Variants in FGF1 observed in about 807,000 individuals in gnomAD.
FGF1 encodes the protein beta-endothelial cell growth factor.
FGF1 carries 9 observed loss-of-function variants against 13.4 expected under a neutral mutation model. The ratio of observed to expected loss-of-function variants is 0.67; its 90% confidence interval spans 0.40 to 1.17. The LOEUF (loss-of-function observed/expected upper bound fraction) is 1.17, where lower values mean the gene tolerates loss of function less well. Ranked by LOEUF, FGF1 falls within the 50% of genes most tolerant of loss-of-function variation. The pLI is 0.01. For missense variants in FGF1, 156 were observed against 192.7 expected (o/e 0.81, Z 1.13); for synonymous variants, 93 against 79.0 (o/e 1.18, Z -0.94).
chr5:142,661,769 C>G (rs1769263915), intron 1 of FGF1, among the ~76,000 whole-genome samples: 1 of 152,054 alleles, frequency 6.6e-6, no homozygotes, highest in Admixed American at 6.6e-5. Flanking sequence ...TTTGGGAGGC[C>G]AAGGCGGGCA....
chr5:142,672,617 G>A (rs1407296491), intron 1 of FGF1, among the ~76,000 whole-genome samples: 1 of 148,904 alleles, frequency 6.7e-6, no homozygotes, highest in Non-Finnish European at 1.5e-5. Context: ...CCATTCTCCT[G>A]CCTCAACCTC....
chr5:142,688,147 A>G (rs1391157587), upstream of FGF1, among the ~76,000 whole-genome samples: 1 of 152,212 alleles, frequency 6.6e-6, no homozygotes, highest in African/African-American at 2.4e-5. Flanking sequence ...CTAGCTACTG[A>G]CATATGCTAA....
At chr5:142,641,075 C>A (rs1011189756) in intron 1 of FGF1, among the ~76,000 whole-genome samples, 4 of 151,920 alleles carry the variant, frequency 2.6e-5, no homozygotes, top group Admixed American at 6.6e-5. Flanking sequence ...ATAATTTGGG[C>A]GTATAGAGAT....
At chr5:142,634,476 C>T (rs1763926005) in intron 1 of FGF1, among the ~76,000 whole-genome samples, 1 of 152,232 alleles carries the variant, frequency 6.6e-6, no homozygotes, top group African/African-American at 2.4e-5. Context: ...AAATAAGAGA[C>T]AGCCTAGATT....
intron 1 of FGF1, among the ~76,000 whole-genome samples, chr5:142,658,342 C>T (rs978820448): frequency 6.6e-6 from 1 of 152,248 alleles, no homozygotes; most frequent in Non-Finnish European, 1.5e-5. Flanking sequence ...TCATTCACAA[C>T]ATGGCCATCC....
At chr5:142,684,634 T>C (rs768134240) in intron 1 of FGF1, among the ~76,000 whole-genome samples, 9 of 152,164 alleles carry the variant, frequency 5.9e-5, no homozygotes, top group Non-Finnish European at 8.8e-5. Context: ...GAAAAGGGAA[T>C]TTGCGACTGT....
intron 1 of FGF1, chr5:142,621,468 C>T (rs771013546): frequency 3.3e-5 from 5 of 151,274 alleles, no homozygotes; most frequent in South Asian, 2.1e-4. Context: ...CTGGATATTT[C>T]GGATATTTCC....
intron 1 of FGF1, among the ~76,000 whole-genome samples, chr5:142,674,603 G>A (rs1293284132): frequency 4.6e-5 from 7 of 152,192 alleles, no homozygotes; most frequent in Non-Finnish European, 8.8e-5. Context: ...CCAGCAGGAT[G>A]TGGGACCGGC....
In FGF1 at chr5:142,643,966, C is replaced by G. The variant is rs778010046; in HGVS notation, c.-34-29805G>C. The G allele has an allele frequency of 1.4e-4, 22 of 152,250 alleles. 1 individual carries two copies. Among genetic ancestry groups the G allele is most frequent in the Non-Finnish European group, 2.9e-4 (20 of 68,048 alleles). The allele number at this position is 152,250 out of a possible 1,614,324, so 9.4% of individuals were successfully genotyped here. A position where few individuals can be genotyped will look rare whatever the true frequency, so the allele number is the denominator to read the frequency against. ...TTATCATTATCCTATTGGCTTCCCC[C>G]AAACATCTTTTCCAATTCTCATGCA... On this transcript the variant is annotated intron_variant, in intron 1 of 3. Transcript: ENST00000337706.
chr5:142,595,630 G>T, intron 3 of FGF1, 146 bp from the exon 4 acceptor site: 1 of 661,004 alleles, frequency 1.5e-6, no homozygotes, highest in East Asian at 2.7e-5. Context: ...GGTCATGGTG[G>T]AACTTATTTC....
At chr5:142,690,888 G>T (rs116942880), upstream of FGF1, among the ~76,000 whole-genome samples, 110 of 152,256 alleles carry the variant, frequency 7.2e-4, 2 homozygotes, top group East Asian at 0.01. Context: ...AACGGGCCAG[G>T]CTTGGTCCTA....
At chr5:142,697,393 A>G (rs1459366737) in intron 2 of FGF1, among the ~76,000 whole-genome samples, 1 of 152,180 alleles carries the variant, frequency 6.6e-6, no homozygotes, top group African/African-American at 2.4e-5. Flanking sequence ...ACTAAGAACC[A>G]GACCTACCCA....
intron 2 of FGF1, among the ~76,000 whole-genome samples, chr5:142,693,810 A>C (rs572893593): frequency 6.6e-6 from 1 of 152,160 alleles, no homozygotes; most frequent in Non-Finnish European, 1.5e-5. Flanking sequence ...CTTTAGTGTG[A>C]TGTCCTCAAG....
chr5:142,682,451 A>G (rs188730513), intron 1 of FGF1, among the ~76,000 whole-genome samples: 13 of 152,274 alleles, frequency 8.5e-5, no homozygotes, highest in Non-Finnish European at 1.3e-4. Flanking sequence ...GGTACTCACT[A>G]TGAGCTAGAC....
At chr5:142,618,888 C>T (rs1227862415) in intron 1 of FGF1, among the ~76,000 whole-genome samples, 1 of 145,366 alleles carries the variant, frequency 6.9e-6, no homozygotes, top group African/African-American at 2.6e-5. Flanking sequence ...TGTTAAGAAT[C>T]AAAGGAAGGC....
At chr5:142,674,586 C>T (rs910228470) in intron 1 of FGF1, among the ~76,000 whole-genome samples, 7 of 152,122 alleles carry the variant, frequency 4.6e-5, no homozygotes, top group South Asian at 4.1e-4. Context: ...AGCCAGCCAA[C>T]GCAGGTCCAG....
chr5:142,695,581 C>CAAAAAAAAA (rs1202362613), intron 2 of FGF1, among the ~76,000 whole-genome samples: 1 of 117,302 alleles, frequency 8.5e-6, no homozygotes, highest in Non-Finnish European at 1.7e-5. Context: ...GACTCTGTAT[C>CAAAAAAAAA]AAAAAGAAAA....
chr5:142,627,776 G>A (rs575302242), intron 1 of FGF1, among the ~76,000 whole-genome samples: 61 of 152,172 alleles, frequency 4.0e-4, no homozygotes, highest in African/African-American at 1.3e-3. Flanking sequence ...TTTTTGCAGA[G>A]CCTACACTAG....
intron 1 of FGF1, among the ~76,000 whole-genome samples, chr5:142,623,425 A>C (rs1402188809): frequency 1.3e-5 from 2 of 151,570 alleles, no homozygotes; most frequent in African/African-American, 2.4e-5. Flanking sequence ...GCTCACTGCA[A>C]CCTCCACCTC....
Sources: gnomAD v4.1 joint callset for allele counts (sites outside exome capture counted in the v4.1 genomes callset) on GRCh38, gnomAD v4.1.1 for gene constraint, MANE v1.5 for transcripts, NCBI Gene and HGNC (gene_info 2026-07-23, HGNC 2026-07-21) for gene names.